The following SSPN variants were observed in gnomAD, a reference collection of about 807,000 sequenced individuals.
The protein encoded by SSPN is K-ras oncogene-associated protein.
Under a neutral mutation model 19.1 loss-of-function variants are expected in SSPN, and 15 were observed. The ratio of observed to expected loss-of-function variants is 0.78; its 90% CI spans 0.52 to 1.21. The LOEUF (loss-of-function observed/expected upper bound fraction) is 1.21. SSPN is among the 50% of genes most tolerant of loss of function. The pLI is 0.00. For synonymous variants in SSPN, 147 were observed against 140.3 expected (o/e 1.05, Z -0.34); for missense variants, 291 against 314.0 (o/e 0.93, Z 0.55).
intron 1 of SSPN, among the ~76,000 whole-genome samples, chr12:26,184,966 CAT>C (rs1405497300): frequency 6.6e-6 from 1 of 152,174 alleles, no homozygotes; most frequent in Non-Finnish European, 1.5e-5. Context: ...CTTCAATAAA[CAT>C]TTCACATATC....
intron 1 of SSPN, among the ~76,000 whole-genome samples, chr12:26,187,665 G>A (rs1944762438): frequency 2.0e-5 from 3 of 152,156 alleles, no homozygotes; most frequent in Admixed American, 2.0e-4. Context: ...GGTAGAAGGA[G>A]GGGAATGGGC....
At chr12:26,172,697 T>C (rs1591860844) in intron 1 of SSPN, among the ~76,000 whole-genome samples, 3 of 152,284 alleles carry the variant, frequency 2.0e-5, no homozygotes, top group East Asian at 3.9e-4. Context: ...AAAATACAAA[T>C]GTGTTTTCAG....
Position 26,232,784 on chromosome 12 carries a change from A to C in SSPN, c.*1708A>C, listed in dbSNP as rs1454221409. On this transcript the variant is annotated 3_prime_UTR_variant, in exon 3 of 3. Transcript: ENST00000242729. ...TTTAATGTTTTGATTTGCTTTAAAAATGGCCTTCCTACACATTAGCTCCAG... is the reference window on the plus strand; with the variant it reads ...TTTAATGTTTTGATTTGCTTTAAAACTGGCCTTCCTACACATTAGCTCCAG... The C allele has an allele frequency of 2.1e-6, 2 of 933,088 alleles. No individual in the cohort carries two copies. The highest frequency in any genetic ancestry group is 3.6e-5 in the African/African-American group (2 of 56,240). 57.8% of individuals were successfully genotyped at this position (933,088 alleles called of 1,614,324 possible).
chr12:26,170,032 C>A (rs142490704), intron 1 of SSPN, among the ~76,000 whole-genome samples: 1 of 152,154 alleles, frequency 6.6e-6, no homozygotes, highest in East Asian at 1.9e-4. Context: ...TTCTGAGCAC[C>A]AAGGATTCAA....
chr12:26,164,828 T>A (rs528078231), intron 1 of SSPN, among the ~76,000 whole-genome samples: 1 of 152,162 alleles, frequency 6.6e-6, no homozygotes, highest in Non-Finnish European at 1.5e-5. Context: ...AACAGCCCCA[T>A]GTAATTAGAA....
At chr12:26,199,171 C>T (rs1944856409) in intron 1 of SSPN, among the ~76,000 whole-genome samples, 1 of 152,190 alleles carries the variant, frequency 6.6e-6, no homozygotes, top group Admixed American at 6.5e-5. Flanking sequence ...GGTGACTTCT[C>T]TTTGACCAAT....
At chr12:26,137,481 C>G (rs1392756718) in intron 1 of SSPN, among the ~76,000 whole-genome samples, 1 of 151,654 alleles carries the variant, frequency 6.6e-6, no homozygotes, top group African/African-American at 2.4e-5. Flanking sequence ...TTTGGAACTT[C>G]CCTAAACCTC....
At chr12:26,149,393 A>T (rs529378840) in intron 1 of SSPN, among the ~76,000 whole-genome samples, 1 of 152,310 alleles carries the variant, frequency 6.6e-6, no homozygotes, top group African/African-American at 2.4e-5. Flanking sequence ...TATCAAAGAA[A>T]GGTCAAATTC....
chr12:26,195,770 C>G lies in SSPN; in HGVS notation c.98C>G (p.Thr33Arg). The G allele has an allele frequency of 1.3e-6, 2 of 1,503,608 alleles. No individual in the cohort carries two copies. The highest frequency in any genetic ancestry group is 8.9e-7 in the Non-Finnish European group (1 of 1,129,598). 93.1% of individuals were successfully genotyped at this position (1,503,608 alleles called of 1,614,324 possible). ...GPDDMEPKKG[T>R]GAPKECGEEE... ...GACGACATGGAGCCGAAGAAGGGCA[C>G]GGGGGCCCCCAAGGAGTGCGGGGAG... Residue 33 changes from threonine to arginine, a missense_variant, in exon 1 of 3, where the codon ACG becomes AGG. Thr to Arg is a moderately conservative substitution (Grantham distance 71). Coordinates refer to ENST00000242729, the MANE Select transcript of SSPN (RefSeq NM_005086.5).
At chr12:26,158,506 A>G (rs1215555649) in intron 1 of SSPN, among the ~76,000 whole-genome samples, 5 of 152,252 alleles carry the variant, frequency 3.3e-5, no homozygotes, top group East Asian at 1.9e-4. Flanking sequence ...TGGTCATGGC[A>G]CCTCAGGCTC....
At chr12:26,142,347 G>A (rs187977972) in intron 1 of SSPN, among the ~76,000 whole-genome samples, 2 of 152,154 alleles carry the variant, frequency 1.3e-5, no homozygotes, top group African/African-American at 2.4e-5. Context: ...AAGGTTGTAG[G>A]ACAGTAACAG....
At chr12:26,123,131 C>T (rs1283461182) in intron 1 of SSPN, 3 of 1,607,164 alleles carry the variant, frequency 1.9e-6, no homozygotes, top group Non-Finnish European at 1.7e-6. Flanking sequence ...GGAACGCATC[C>T]AAGTCGGACT....
At chr12:26,127,502 T>C (rs1404859476) in intron 1 of SSPN, among the ~76,000 whole-genome samples, 1 of 152,244 alleles carries the variant, frequency 6.6e-6, no homozygotes, top group Non-Finnish European at 1.5e-5. Flanking sequence ...TTTCCCGTGA[T>C]ACCTACTCAA....
intron 1 of SSPN, among the ~76,000 whole-genome samples, chr12:26,135,869 A>G (rs1312219787): frequency 6.6e-6 from 1 of 152,178 alleles, no homozygotes; most frequent in African/African-American, 2.4e-5. Context: ...TCATTGGATA[A>G]TGGCACTACT....
intron 1 of SSPN, among the ~76,000 whole-genome samples, chr12:26,151,620 C>T (rs1225963126): frequency 6.6e-6 from 1 of 152,142 alleles, no homozygotes; most frequent in Non-Finnish European, 1.5e-5. Context: ...GCTCCCTGCC[C>T]CCATGGAGCT....
chr12:26,157,072 T>G (rs1944560250), intron 1 of SSPN, among the ~76,000 whole-genome samples: 1 of 152,212 alleles, frequency 6.6e-6, no homozygotes, highest in Non-Finnish European at 1.5e-5. Flanking sequence ...GGTAGCTCTT[T>G]TCAGATGTTT....
intron 1 of SSPN, among the ~76,000 whole-genome samples, chr12:26,170,300 T>A (rs1315411189): frequency 1.3e-5 from 2 of 152,230 alleles, no homozygotes; most frequent in Non-Finnish European, 2.9e-5. Context: ...TTGACTACAA[T>A]AAATTATTCT....
At chr12:26,124,756 C>T in intron 1 of SSPN, 1 of 1,614,224 alleles carries the variant, frequency 6.2e-7, no homozygotes, top group Non-Finnish European at 8.5e-7. Flanking sequence ...GTCTCTCTTG[C>T]AAATGAGGAA....
chr12:26,122,933 C>G (rs368690498), intron 1 of SSPN: 398 of 1,551,774 alleles, frequency 2.6e-4, no homozygotes, highest in Non-Finnish European at 2.9e-4. Flanking sequence ...ACCCGGCGGC[C>G]GAGGGAGCGC....
Sources: gnomAD v4.1 joint callset for allele counts (sites outside exome capture counted in the v4.1 genomes callset) on GRCh38, gnomAD v4.1.1 for gene constraint, MANE v1.5 for transcripts, NCBI Gene and HGNC (gene_info 2026-07-23, HGNC 2026-07-21) for gene names.